PBX1: variants seen among roughly 807,000 people sequenced by gnomAD.
PBX1 encodes the protein PBX homeobox 1, also known as pre-B-cell leukemia transcription factor 1.
A neutral mutation model predicts 53.4 loss-of-function variants in PBX1; 6 were observed. The ratio of observed to expected loss-of-function variants is 0.11; its 90% confidence interval spans 0.06 to 0.22. The LOEUF (loss-of-function observed/expected upper bound fraction) is 0.22. Ranked by LOEUF, PBX1 falls within the 10% of genes least tolerant of loss-of-function variation. PBX1 has a pLI of 1.00. For synonymous variants in PBX1, 204 were observed against 212.3 expected, an observed-to-expected ratio of 0.96 and a Z score of 0.34; for missense variants, 251 against 551.4, an observed-to-expected ratio of 0.46 and a Z score of 5.46.
At position 164,582,093 on chromosome 1, in the gene PBX1, G is replaced by A. The variant is rs146012134; in HGVS notation, c.265+18782G>A. 4.6e-3 allele frequency among the ~76,000 whole-genome samples: 701 copies of A among 152,314 alleles called. 5 individuals carry two copies. Among genetic ancestry groups the A allele is most frequent in the Middle Eastern group, 0.017 (5 of 294 alleles). ...AGGAAATTAGAAGAAAAAAATTCAG[G>A]TAGGGCAATAAAATAACATGCAAGG... On this transcript the variant is annotated intron_variant, in intron 2 of 8. Coordinates refer to ENST00000420696, the MANE Select transcript of PBX1 (RefSeq NM_002585.4).
intron 8 of PBX1, among the ~76,000 whole-genome samples, chr1:164,827,588 C>T (rs1159964420): frequency 1.3e-5 from 2 of 152,130 alleles, no homozygotes; most frequent in East Asian, 3.9e-4. Flanking sequence ...TAAGTAAGTG[C>T]CTTTCCTTCT....
At chr1:164,855,390 G>C (rs1211636874), downstream of PBX1, among the ~76,000 whole-genome samples, 1 of 152,216 alleles carries the variant, frequency 6.6e-6, no homozygotes, top group African/African-American at 2.4e-5. Flanking sequence ...TATAGCAGCA[G>C]CTGGCCTCTT....
chr1:164,707,741 G>T (rs947456055), intron 2 of PBX1, among the ~76,000 whole-genome samples: 20 of 152,294 alleles, frequency 1.3e-4, no homozygotes, highest in African/African-American at 4.3e-4. Context: ...AAGAAAACGT[G>T]CTGCTCCCAG....
chr1:164,626,326 TG>T (rs1453351559), intron 2 of PBX1, among the ~76,000 whole-genome samples: 1 of 152,174 alleles, frequency 6.6e-6, no homozygotes, highest in Non-Finnish European at 1.5e-5. Flanking sequence ...CCTATTCCAT[TG>T]CCCTTTATCA....
chr1:164,864,446 G>A (rs1231145953), intron 2 of PBX1, among the ~76,000 whole-genome samples: 2 of 152,114 alleles, frequency 1.3e-5, no homozygotes, highest in Non-Finnish European at 1.5e-5. Context: ...CCAGGCTGCT[G>A]GGCTTTTTAT....
intron 8 of PBX1, among the ~76,000 whole-genome samples, chr1:164,839,906 C>T (rs2102407497): frequency 1.3e-5 from 2 of 151,810 alleles, no homozygotes; most frequent in Middle Eastern, 6.8e-3. Flanking sequence ...TGGTAGGTGG[C>T]AATTAGAGAG....
intron 2 of PBX1, among the ~76,000 whole-genome samples, chr1:164,607,991 T>G (rs1202514885): frequency 6.6e-6 from 1 of 152,224 alleles, no homozygotes; most frequent in African/African-American, 2.4e-5. Context: ...AAAAAGTGTT[T>G]CATCTTTGTG....
intron 2 of PBX1, among the ~76,000 whole-genome samples, chr1:164,621,306 T>A (rs943430810): frequency 6.6e-6 from 1 of 152,220 alleles, no homozygotes; most frequent in Admixed American, 6.5e-5. Flanking sequence ...TTCTTAACAG[T>A]CTTCCTTCTC....
chr1:164,765,201 A>T lies in PBX1; in HGVS notation c.266-27293A>T, dbSNP rs138894032. 4.9e-3 allele frequency among the ~76,000 whole-genome samples: 750 copies of T among 152,328 alleles called. 10 individuals are homozygous for T. The highest frequency in any genetic ancestry group is 0.036 in the South Asian group (172 of 4,826). On this transcript the variant is annotated intron_variant, in intron 2 of 8. Transcript: ENST00000420696. ...GCAAGCAGTATAAAGATGTACATGT[A>T]GCCCTACCTACTTCCATGATTTTTG... is the stretch of plus-strand genomic sequence containing the variant.
chr1:164,794,229 C>T (rs781325646), intron 3 of PBX1, among the ~76,000 whole-genome samples: 88 of 152,100 alleles, frequency 5.8e-4, no homozygotes, highest in Non-Finnish European at 1.0e-3. Context: ...AGGTAGAAGA[C>T]CTTGTGCAGT....
intron 3 of PBX1, among the ~76,000 whole-genome samples, chr1:164,796,484 T>G (rs1219306096): frequency 6.6e-6 from 1 of 152,200 alleles, no homozygotes; most frequent in Non-Finnish European, 1.5e-5. Flanking sequence ...AATGTTGAAC[T>G]GGACTGGGTT....
chr1:164,773,521 A>G (rs1667490193), intron 2 of PBX1, among the ~76,000 whole-genome samples: 1 of 152,166 alleles, frequency 6.6e-6, no homozygotes, highest in Non-Finnish European at 1.5e-5. Context: ...GTCAAAGACT[A>G]TGGCGTGAAA....
intron 8 of PBX1, among the ~76,000 whole-genome samples, chr1:164,843,084 C>T (rs999588577): frequency 5.3e-5 from 8 of 152,194 alleles, no homozygotes; most frequent in Admixed American, 1.3e-4. Context: ...TTTCCCAAGA[C>T]GGTGCAGCCT....
chr1:164,631,788 A>G (rs1658426286), intron 2 of PBX1, among the ~76,000 whole-genome samples: 1 of 152,362 alleles, frequency 6.6e-6, no homozygotes, highest in South Asian at 2.1e-4. Context: ...CGTGAAGGAA[A>G]TTAATACAAA....
intron 2 of PBX1, among the ~76,000 whole-genome samples, chr1:164,744,375 C>G (rs969341286): frequency 2.0e-5 from 3 of 152,168 alleles, no homozygotes; most frequent in Admixed American, 6.5e-5. Flanking sequence ...CAAAGAATTT[C>G]CAACCACAAT....
intron 2 of PBX1, among the ~76,000 whole-genome samples, chr1:164,606,000 TC>T (rs1246153462): frequency 6.6e-6 from 1 of 152,230 alleles, no homozygotes; most frequent in Non-Finnish European, 1.5e-5. Flanking sequence ...GGGTAGATTT[TC>T]CTGGAGTTGC....
At chr1:164,717,764 A>G (rs1664184568) in intron 2 of PBX1, among the ~76,000 whole-genome samples, 1 of 152,188 alleles carries the variant, frequency 6.6e-6, no homozygotes. Context: ...AAAACAAGTT[A>G]ATAGTCATTG....
At chr1:164,633,443 C>T (rs1465252889) in intron 2 of PBX1, among the ~76,000 whole-genome samples, 6 of 152,194 alleles carry the variant, frequency 3.9e-5, no homozygotes, top group African/African-American at 9.7e-5. Flanking sequence ...AGCCACAGCA[C>T]GCAGCCCCTC....
At chr1:164,818,449 A>G (rs921376816) in intron 6 of PBX1, 1 of 152,222 alleles carries the variant, frequency 6.6e-6, no homozygotes, top group East Asian at 1.9e-4. Context: ...TCGCAGAGCT[A>G]TGGAGATGGC....
Sources: gnomAD v4.1 joint callset for allele counts (sites outside exome capture counted in the v4.1 genomes callset) on GRCh38, gnomAD v4.1.1 for gene constraint, MANE v1.5 for transcripts, NCBI Gene and HGNC (gene_info 2026-07-23, HGNC 2026-07-21) for gene names.